Variants in HARBI1 observed in about 807,000 individuals in gnomAD.
HARBI1 encodes putative nuclease HARBI1.
A neutral mutation model predicts 25.3 loss-of-function variants in HARBI1; 15 were observed. The ratio of observed to expected loss-of-function variants is 0.59; its 90% CI spans 0.40 to 0.91. HARBI1 has a LOEUF of 0.91. Among genes scored for constraint, HARBI1 ranks in the 40% least tolerant of loss-of-function variants. The pLI, the probability that HARBI1 is intolerant of heterozygous loss-of-function variation, is 0.00. For synonymous variants in HARBI1, 168 were observed against 160.5 expected, an observed-to-expected ratio of 1.05 and a Z score of -0.35; for missense variants, 396 against 445.8, an observed-to-expected ratio of 0.89 and a Z score of 1.01.
chr11:46,603,318 G>C lies in HARBI1; in HGVS notation c.*212C>G, dbSNP rs1046649576. 6.3e-6 allele frequency: 3 copies of C among 475,516 alleles called. No individual in the cohort carries two copies. The highest frequency in any genetic ancestry group is 5.9e-5 in the African/African-American group (3 of 51,162). 29.5% of individuals were successfully genotyped at this position (475,516 alleles called of 1,614,324 possible). A position where few individuals can be genotyped will look rare whatever the true frequency, so the allele number is the denominator to read the frequency against. ...AGAGTTCACTGGATAGTAGGGAGCC[G>C]CTGTCTTGGTTTCAGTTTAATTAAT... On this transcript the variant is annotated 3_prime_UTR_variant, in exon 3 of 3. Coordinates refer to ENST00000326737, the MANE Select transcript of HARBI1 (RefSeq NM_173811.4).
chr11:46,607,598 T>G (rs561588987), intron 2 of HARBI1, among the ~76,000 whole-genome samples: 21 of 152,336 alleles, frequency 1.4e-4, no homozygotes, highest in Admixed American at 1.4e-3. Context: ...AAAGGAGACC[T>G]TTTGTAAAAT....
At chr11:46,604,260 G>A in intron 2 of HARBI1, 2 of 980,384 alleles carry the variant, frequency 2.0e-6, no homozygotes, top group Non-Finnish European at 2.4e-6. Flanking sequence ...TGTAATGACA[G>A]CACTTTGGGA....
intron 2 of HARBI1, among the ~76,000 whole-genome samples, chr11:46,610,392 G>A (rs1328365127): frequency 4.6e-5 from 7 of 150,554 alleles, no homozygotes; most frequent in Non-Finnish European, 1.0e-4. Context: ...AGGCGCGGTG[G>A]GCTCACGCCT....
intron 1 of HARBI1, 76 bp from the exon 2 acceptor site, chr11:46,616,457 T>C (rs1261872602): frequency 7.3e-7 from 1 of 1,361,776 alleles, no homozygotes; most frequent in Non-Finnish European, 9.4e-7. Context: ...AGCAGCTCCT[T>C]TTCTACAAAT....
At chr11:46,613,802 G>A (rs1431442457) in intron 2 of HARBI1, among the ~76,000 whole-genome samples, 6 of 151,584 alleles carry the variant, frequency 4.0e-5, no homozygotes, top group Admixed American at 3.3e-4. Flanking sequence ...CTTTATTTCA[G>A]GGGATTGTTT....
intron 2 of HARBI1, chr11:46,604,273 C>G (rs981759566): frequency 2.1e-6 from 2 of 972,496 alleles, no homozygotes; most frequent in South Asian, 9.5e-5. Context: ...CTTTGGGAGG[C>G]TGAGGCGGGT....
chr11:46,616,620 C>G (rs927396296), intron 1 of HARBI1: 1 of 1,014,206 alleles, frequency 9.9e-7, no homozygotes, highest in African/African-American at 1.7e-5. Flanking sequence ...TTGAGAACAC[C>G]AAAAGAATAA....
intron 2 of HARBI1, among the ~76,000 whole-genome samples, chr11:46,613,546 G>A (rs549393864): frequency 2.1e-5 from 3 of 144,370 alleles, no homozygotes; most frequent in South Asian, 2.2e-4. Flanking sequence ...GCAGTGGCAC[G>A]ATCTTGGCTC....
At chr11:46,610,466 C>A (rs2045135117) in intron 2 of HARBI1, among the ~76,000 whole-genome samples, 1 of 151,856 alleles carries the variant, frequency 6.6e-6, no homozygotes, top group African/African-American at 2.4e-5. Context: ...GGAGGCCATC[C>A]TGGCTAACAC....
In HARBI1 at chr11:46,609,171, G is replaced by A. The variant is rs529680417; in HGVS notation, c.671-5262C>T. ...ACTTCTGACCTCAGGTGATGTGCCCGCCTTGGCCTCCAAAAGTGCTGGGAT... is the reference window on the plus strand; with the variant it reads ...ACTTCTGACCTCAGGTGATGTGCCCACCTTGGCCTCCAAAAGTGCTGGGAT... On this transcript the variant is annotated intron_variant, in intron 2 of 2. Transcript: ENST00000326737. 5.9e-5 allele frequency among the ~76,000 whole-genome samples: 9 copies of A among 151,958 alleles called. No homozygotes were observed. The South Asian group carries it at 1.5e-3, about 25-fold the overall frequency.
At position 46,606,317 on chromosome 11, in the gene HARBI1, C is replaced by CT. The variant is rs770366276; in HGVS notation, c.671-2409dup. ...CTATGTAGCATGTACTGTGCTGGTA[C>CT]TTTTTTTTTTTTTGAGACGGAGCCT... On this transcript the variant is annotated intron_variant, in intron 2 of 2. Transcript: ENST00000326737. Among the ~76,000 whole-genome samples, 238 of 144,414 alleles carry CT rather than the reference C, an allele frequency of 1.6e-3. 1 individual carries two copies. Among genetic ancestry groups the CT allele is most frequent in the African/African-American group, 2.8e-3 (110 of 39,694 alleles). 94.7% of individuals were successfully genotyped at this position (144,414 alleles called of 152,430 possible).
At chr11:46,608,920 T>G (rs2045065865) in intron 2 of HARBI1, among the ~76,000 whole-genome samples, 1 of 149,606 alleles carries the variant, frequency 6.7e-6, no homozygotes, top group South Asian at 2.1e-4. Context: ...TGACAAATTT[T>G]TTTTTTCTTT....
chr11:46,605,633 G>T (rs1447396937), intron 2 of HARBI1, among the ~76,000 whole-genome samples: 1 of 138,446 alleles, frequency 7.2e-6, no homozygotes, highest in African/African-American at 2.6e-5. Context: ...TGTTGCCCAG[G>T]CTGGAGTGCA....
At chr11:46,616,749 T>C in intron 1 of HARBI1, 1 of 978,234 alleles carries the variant, frequency 1.0e-6, no homozygotes, top group Non-Finnish European at 1.2e-6. Flanking sequence ...CGGGTTTCAT[T>C]ATCCAAAGAC....
chr11:46,609,755 C>A (rs1473666777), intron 2 of HARBI1, among the ~76,000 whole-genome samples: 1 of 151,204 alleles, frequency 6.6e-6, no homozygotes, highest in Middle Eastern at 3.2e-3. Context: ...CTTTGGGAGG[C>A]TGAGGTGGAC....
chr11:46,617,750 C>G (rs1007646511), upstream of HARBI1: 7 of 398,710 alleles, frequency 1.8e-5, no homozygotes, highest in Non-Finnish European at 2.7e-5. Flanking sequence ...CTTCTGAAGC[C>G]TTAGGTGTCT....
chr11:46,613,187 C>T (rs2045251874), intron 2 of HARBI1, among the ~76,000 whole-genome samples: 1 of 151,886 alleles, frequency 6.6e-6, no homozygotes, highest in African/African-American at 2.4e-5. Context: ...ACCATGTCGG[C>T]CAGGCTGGTT....
At chr11:46,617,350 C>G (rs2045640469), upstream of HARBI1, 1 of 152,614 alleles carries the variant, frequency 6.6e-6, no homozygotes, top group Middle Eastern at 3.2e-3. Context: ...CTCTCTCTCT[C>G]TCTCAAACAC....
Position 46,603,914 on chromosome 11 carries a change from G to A in HARBI1, c.671-5C>T. On this transcript the variant is annotated splice_region_variant and splice_polypyrimidine_tract_variant and intron_variant, in intron 2 of 2. Transcript: ENST00000326737. ...GAAGAAAGAAGGAACTGTCACCTGT[G>A]GGGAAGGCCCAAATAAATCATAAAT... 6.2e-7 allele frequency: 1 copy of A among 1,600,710 alleles called. No homozygotes were observed. Among genetic ancestry groups the A allele is most frequent in the Non-Finnish European group, 8.5e-7 (1 of 1,173,186 alleles).
Sources: gnomAD v4.1 joint callset for allele counts (sites outside exome capture counted in the v4.1 genomes callset) on GRCh38, gnomAD v4.1.1 for gene constraint, MANE v1.5 for transcripts, NCBI Gene and HGNC (gene_info 2026-07-23, HGNC 2026-07-21) for gene names.